HECW1: variants seen among roughly 807,000 people sequenced by gnomAD.
HECW1 encodes E3 ubiquitin-protein ligase HECW1.
HECW1 carries 61 observed loss-of-function variants against 182.3 expected under a neutral mutation model. That is an observed-to-expected ratio of 0.33 (90% CI 0.27 to 0.41). The LOEUF (loss-of-function observed/expected upper bound fraction) is 0.41, where lower values mean the gene tolerates loss of function less well. Ranked by LOEUF, HECW1 falls within the 10% of genes least tolerant of loss-of-function variation. The pLI, the probability that HECW1 is intolerant of heterozygous loss-of-function variation, is 1.00. For missense variants in HECW1, 1,739 were observed against 2,108.9 expected, an observed-to-expected ratio of 0.82 and a Z score of 3.44; for synonymous variants, 859 against 832.6, an observed-to-expected ratio of 1.03 and a Z score of -0.55.
At chr7:43,504,920 A>G (rs1198723086) in intron 21 of HECW1, among the ~76,000 whole-genome samples, 1 of 152,224 alleles carries the variant, frequency 6.6e-6, no homozygotes, top group East Asian at 1.9e-4. Flanking sequence ...TAAGGTCGCC[A>G]TGAACTCTGG....
intron 8 of HECW1, among the ~76,000 whole-genome samples, chr7:43,430,778 C>A (rs1394479666): frequency 2.8e-5 from 1 of 35,532 alleles, no homozygotes; most frequent in African/African-American, 1.2e-4. Flanking sequence ...TTTTATTTTT[C>A]TTTATTATTA....
intron 2 of HECW1, among the ~76,000 whole-genome samples, chr7:43,216,689 C>G (rs577588950): frequency 6.6e-6 from 1 of 151,582 alleles, no homozygotes; most frequent in African/African-American, 2.4e-5. Context: ...GAGTCTTGCT[C>G]TTTCCCCCAG....
intron 6 of HECW1, among the ~76,000 whole-genome samples, chr7:43,364,912 A>G (rs1816426614): frequency 6.6e-6 from 1 of 152,218 alleles, no homozygotes; most frequent in East Asian, 1.9e-4. Flanking sequence ...GTCTTCTTAA[A>G]TAAGCCCCAT....
chr7:43,142,606 G>T (rs1225081396), intron 2 of HECW1, among the ~76,000 whole-genome samples: 1 of 152,164 alleles, frequency 6.6e-6, no homozygotes, highest in African/African-American at 2.4e-5. Context: ...TTGCCCACAG[G>T]CCTGGCCCCT....
At chr7:43,191,964 CTT>C (rs537307469) in intron 2 of HECW1, among the ~76,000 whole-genome samples, 4 of 145,330 alleles carry the variant, frequency 2.8e-5, no homozygotes. Context: ...TTGTTTTTTT[CTT>C]TTTTTTTTTT....
At chr7:43,122,306 G>T (rs985776802) in intron 2 of HECW1, among the ~76,000 whole-genome samples, 1 of 152,126 alleles carries the variant, frequency 6.6e-6, no homozygotes, top group African/African-American at 2.4e-5. Context: ...GTGTCAGACC[G>T]GAGCGAGAAT....
chr7:43,319,601 C>CTTTTCTTTTTTTTTTTTTTTT (rs1809817835), intron 4 of HECW1, among the ~76,000 whole-genome samples: 1 of 47,438 alleles, frequency 2.1e-5, no homozygotes, highest in Non-Finnish European at 3.2e-5. Flanking sequence ...CTTTTCTTTT[C>CTTTTCTTTTTTTTTTTTTTTT]TTTTTTTTTT....
At chr7:43,495,114 T>C (rs1356336784) in intron 19 of HECW1, among the ~76,000 whole-genome samples, 1 of 152,192 alleles carries the variant, frequency 6.6e-6, no homozygotes, top group Non-Finnish European at 1.5e-5. Flanking sequence ...TTGTTTGTTT[T>C]TAATTTTTTT....
At chr7:43,114,113 G>A (rs1278043679) in intron 1 of HECW1, 44 bp from the exon 2 acceptor site, 3 of 574,170 alleles carry the variant, frequency 5.2e-6, no homozygotes, top group Non-Finnish European at 8.3e-6. Context: ...GGAATCTGCA[G>A]TGGTGCAATT....
At chr7:43,439,071 G>A (rs1395506996) in intron 9 of HECW1, 2 of 152,234 alleles carry the variant, frequency 1.3e-5, no homozygotes, top group African/African-American at 4.8e-5. Context: ...AGGGAGCTGA[G>A]TTTATGGAGC....
rs140505725 is a variant in HECW1, at chr7:43,335,530, C to T, written c.460+14788C>T. On this transcript the variant is annotated intron_variant, in intron 5 of 29. Transcript: ENST00000395891. ...GAGAGCCCTTAGCAGAAACCTGATC[C>T]ACCAGCACCTTGACATTGAACTTTC... 9.2e-5 allele frequency among the ~76,000 whole-genome samples: 14 copies of T among 152,342 alleles called. No homozygotes were observed. In the East Asian group the frequency reaches 2.7e-3, roughly 29 times the overall value.
At chr7:43,412,679 C>T (rs2075846829) in intron 8 of HECW1, among the ~76,000 whole-genome samples, 1 of 149,380 alleles carries the variant, frequency 6.7e-6, no homozygotes, top group Admixed American at 6.7e-5. Context: ...GTTCAATTCC[C>T]ACCTATGAGT....
intron 5 of HECW1, among the ~76,000 whole-genome samples, chr7:43,325,762 C>T (rs143516801): frequency 3.5e-4 from 53 of 152,320 alleles, no homozygotes; most frequent in East Asian, 2.5e-3. Context: ...GATCCCACCT[C>T]ACCTCCCGGG....
intron 16 of HECW1, among the ~76,000 whole-genome samples, chr7:43,476,152 C>T (rs770025645): frequency 6.6e-6 from 1 of 152,072 alleles, no homozygotes; most frequent in Non-Finnish European, 1.5e-5. Flanking sequence ...ACTTAAGAGT[C>T]ATTTATTTGA....
At chr7:43,161,702 G>T (rs539828332) in intron 2 of HECW1, 1 of 127,322 alleles carries the variant, frequency 7.9e-6, no homozygotes, top group East Asian at 2.0e-4. Flanking sequence ...TATTTTGGAG[G>T]GTGAACTTCC....
At chr7:43,520,621 T>C (rs1232475171) in intron 24 of HECW1, among the ~76,000 whole-genome samples, 2 of 26,752 alleles carry the variant, frequency 7.5e-5, no homozygotes, top group African/African-American at 1.2e-4. Context: ...TCTTGAATTA[T>C]TTTTTTATTA....
intron 16 of HECW1, among the ~76,000 whole-genome samples, chr7:43,472,127 C>A (rs1359170676): frequency 6.6e-6 from 1 of 152,098 alleles, no homozygotes; most frequent in Non-Finnish European, 1.5e-5. Flanking sequence ...TAAAACAGAG[C>A]AGCACTGATG....
rs200089893 is a variant in HECW1, at chr7:43,311,813, T to C, written c.78T>C (p.Ser26=). ...GCCTGGCCGCCATGGCGTCTCCTTCTAGAAACTCCCAGAGCCGACGCCGGT... is the reference window on the plus strand; with the variant it reads ...GCCTGGCCGCCATGGCGTCTCCTTCCAGAAACTCCCAGAGCCGACGCCGGT... ...FLGLAAMASP[S]RNSQSRRRCK... is the part of the protein sequence containing the mutation. The change falls in exon 4 of 30, where the codon TCT becomes TCC. Residue 26 remains serine, a synonymous_variant. Transcript: ENST00000395891. 4.4e-4 allele frequency: 707 copies of C among 1,614,006 alleles called. 5 individuals are homozygous for C. Among genetic ancestry groups the C allele is most frequent in the Admixed American group, 8.5e-4 (51 of 60,010 alleles).
intron 2 of HECW1, among the ~76,000 whole-genome samples, chr7:43,236,136 A>G (rs777663685): frequency 2.6e-5 from 4 of 152,236 alleles, no homozygotes; most frequent in Non-Finnish European, 5.9e-5. Flanking sequence ...GTGTATATAC[A>G]CACATGCAAA....
Sources: gnomAD v4.1 joint callset for allele counts (sites outside exome capture counted in the v4.1 genomes callset) on GRCh38, gnomAD v4.1.1 for gene constraint, MANE v1.5 for transcripts, NCBI Gene and HGNC (gene_info 2026-07-23, HGNC 2026-07-21) for gene names.